TFEC: variants seen among roughly 807,000 people sequenced by gnomAD.
TFEC encodes the protein transcription factor EC, also known as class E basic helix-loop-helix protein 34.
Under a neutral mutation model 41.6 loss-of-function variants are expected in TFEC, and 31 were observed. That is an observed-to-expected ratio of 0.74 (90% CI 0.56 to 1.01). The LOEUF is 1.01. TFEC is among the 50% of genes least tolerant of loss of function. TFEC has a pLI of 0.00. For missense variants in TFEC, 402 were observed against 404.1 expected, an observed-to-expected ratio of 0.99 and a Z score of 0.04; for synonymous variants, 143 against 140.6, an observed-to-expected ratio of 1.02 and a Z score of -0.12.
At chr7:116,043,537 C>T (rs1796089656) in intron 3 of TFEC, among the ~76,000 whole-genome samples, 1 of 152,096 alleles carries the variant, frequency 6.6e-6, no homozygotes, top group Non-Finnish European at 1.5e-5. Context: ...ATAAGAGGTT[C>T]TCATCTTGCA....
intron 3 of TFEC, among the ~76,000 whole-genome samples, chr7:116,096,590 T>A (rs988787446): frequency 9.5e-6 from 1 of 104,764 alleles, no homozygotes; most frequent in Admixed American, 8.9e-5. Context: ...TTACTATGCG[T>A]TTTTTTTTTC....
intron 3 of TFEC, among the ~76,000 whole-genome samples, chr7:116,065,338 G>T (rs73448952): frequency 0.02 from 3,053 of 152,204 alleles, 90 homozygotes; most frequent in African/African-American, 0.068. Context: ...AGAACATTGA[G>T]CAGTAAAGGA....
intron 3 of TFEC, among the ~76,000 whole-genome samples, chr7:116,055,249 G>C (rs141844048): frequency 6.6e-6 from 1 of 152,132 alleles, no homozygotes; most frequent in African/African-American, 2.4e-5. Flanking sequence ...AGCAAATTTA[G>C]CATTGTGTTT....
chr7:115,958,665 T>C (rs1027930176), intron 3 of TFEC, among the ~76,000 whole-genome samples: 3 of 151,914 alleles, frequency 2.0e-5, no homozygotes, highest in Non-Finnish European at 4.4e-5. Context: ...CCCAGTGCAT[T>C]ATTCCTTAGA....
At chr7:116,008,288 A>G (rs1415059658) in intron 1 of TFEC, among the ~76,000 whole-genome samples, 1 of 152,244 alleles carries the variant, frequency 6.6e-6, no homozygotes, top group South Asian at 2.1e-4. Context: ...AGAAATATTT[A>G]CAGGCAGAAT....
intron 1 of TFEC, among the ~76,000 whole-genome samples, chr7:116,130,689 T>G (rs1345760745): frequency 6.6e-6 from 1 of 152,174 alleles, no homozygotes; most frequent in Non-Finnish European, 1.5e-5. Flanking sequence ...CCCAGCTCAC[T>G]GCAGCCTCAA....
intron 3 of TFEC, among the ~76,000 whole-genome samples, chr7:116,080,674 C>CA (rs1049210102): frequency 6.6e-6 from 1 of 151,666 alleles, no homozygotes; most frequent in Non-Finnish European, 1.5e-5. Flanking sequence ...ATGGCCATAT[C>CA]AAAAAATCAA....
intron 1 of TFEC, among the ~76,000 whole-genome samples, chr7:115,989,418 A>T (rs542988233): frequency 1.3e-5 from 2 of 152,282 alleles, no homozygotes; most frequent in Non-Finnish European, 2.9e-5. Context: ...GGTGCAGCCC[A>T]CGGAGTGTGA....
intron 3 of TFEC, among the ~76,000 whole-genome samples, chr7:116,080,999 G>C (rs1426225277): frequency 2.0e-5 from 3 of 147,342 alleles, no homozygotes; most frequent in Admixed American, 6.8e-5. Context: ...GTGTGTGTGT[G>C]TGTGTGTGTG....
intron 6 of TFEC, among the ~76,000 whole-genome samples, chr7:115,947,995 A>G (rs1216334313): frequency 1.3e-5 from 2 of 152,186 alleles, no homozygotes; most frequent in South Asian, 2.1e-4. Context: ...AATAGATGCA[A>G]TAAGAAATGA....
chr7:116,074,222 GCATACA>G (rs1323019750), intron 3 of TFEC, among the ~76,000 whole-genome samples: 1 of 150,998 alleles, frequency 6.6e-6, no homozygotes, highest in Non-Finnish European at 1.5e-5. Context: ...ATGTGTGCAT[GCATACA>G]CACACACACA....
intron 3 of TFEC, among the ~76,000 whole-genome samples, chr7:116,089,766 T>C (rs1254058072): frequency 1.3e-5 from 2 of 152,118 alleles, no homozygotes; most frequent in Non-Finnish European, 1.5e-5. Flanking sequence ...AACTGGGCTT[T>C]GAGGACAGGT....
chr7:116,146,742 A>C (rs1798649556), intron 1 of TFEC, among the ~76,000 whole-genome samples: 1 of 152,190 alleles, frequency 6.6e-6, no homozygotes, highest in Non-Finnish European at 1.5e-5. Context: ...ATGAGGGAGA[A>C]CCAAGATTTA....
At chr7:116,013,016 G>A (rs574059863) in intron 1 of TFEC, among the ~76,000 whole-genome samples, 153 of 151,728 alleles carry the variant, frequency 1.0e-3, no homozygotes, top group Non-Finnish European at 1.9e-3. Context: ...ATATGATTGG[G>A]GCATTTTAGG....
intron 1 of TFEC, among the ~76,000 whole-genome samples, chr7:116,144,177 A>G (rs1489695937): frequency 6.6e-6 from 1 of 151,698 alleles, no homozygotes; most frequent in African/African-American, 2.4e-5. Flanking sequence ...AAATTGTGCC[A>G]CTGCACTCCA....
chr7:116,129,586 CTTTTTT>C (rs932837265), intron 1 of TFEC, among the ~76,000 whole-genome samples: 2 of 106,890 alleles, frequency 1.9e-5, no homozygotes, highest in South Asian at 6.0e-4. Context: ...AATATTCTTA[CTTTTTT>C]TTTTTTTTTT....
chr7:116,155,522 T>G (rs1490454244), intron 1 of TFEC, among the ~76,000 whole-genome samples: 1 of 152,098 alleles, frequency 6.6e-6, no homozygotes, highest in Non-Finnish European at 1.5e-5. Flanking sequence ...CCCATTAAAC[T>G]CAGGCACATT....
Position 115,997,414 on chromosome 7 carries a change from G to A in TFEC, c.-72-12901C>T, listed in dbSNP as rs142995300. Among the ~76,000 whole-genome samples, 52 of 152,328 alleles carry A rather than the reference G, an allele frequency of 3.4e-4. 1 individual carries two copies. In the East Asian group the frequency reaches 9.1e-3, roughly 27 times the overall value. On this transcript the variant is annotated intron_variant, in intron 1 of 7. Coordinates refer to ENST00000265440, the MANE Select transcript of TFEC (RefSeq NM_012252.4). ...GCCTCCTAATGCAGATACCACTGCA[G>A]TGACCAAGAACTTAGATTACAACAT...
chr7:116,109,784 A>AT (rs1797807506), intron 3 of TFEC, among the ~76,000 whole-genome samples: 1 of 152,224 alleles, frequency 6.6e-6, no homozygotes, highest in African/African-American at 2.4e-5. Context: ...ACGTATGTTT[A>AT]TTGCGGCACC....
Sources: allele counts gnomAD v4.1 joint callset (sites outside exome capture counted in the v4.1 genomes callset), GRCh38; gene constraint gnomAD v4.1.1; transcripts MANE v1.5; gene names NCBI Gene and HGNC (gene_info 2026-07-23, HGNC 2026-07-21).